NSF: variants seen among roughly 807,000 people sequenced by gnomAD.
The protein encoded by NSF is vesicle-fusing ATPase.
In NSF, 14 loss-of-function variants were observed where a neutral mutation model predicts 50.3. The observed-to-expected ratio is 0.28, with a 90% CI of 0.18 to 0.44. NSF has a LOEUF of 0.44. Among genes scored for constraint, NSF ranks in the 20% least tolerant of loss-of-function variants. The pLI, the probability that NSF is intolerant of heterozygous loss-of-function variation, is 1.00. For synonymous variants in NSF, 109 were observed against 175.7 expected (o/e 0.62, Z 3.00); for missense variants, 218 against 504.3 (o/e 0.43, Z 5.44).
intron 17 of NSF, among the ~76,000 whole-genome samples, chr17:46,738,544 A>G (rs1206682391): frequency 6.6e-6 from 1 of 152,232 alleles, no homozygotes; most frequent in Non-Finnish European, 1.5e-5. Context: ...CAGTATTTTC[A>G]TGGGTGGGAC....
intron 1 of NSF, among the ~76,000 whole-genome samples, chr17:46,606,343 A>G (rs1442504218): frequency 1.1e-4 from 1 of 8,908 alleles, no homozygotes. Context: ...AACTACTAAA[A>G]TAATATAAAT....
chr17:46,746,602 C>G, intron 17 of NSF, among the ~76,000 whole-genome samples: 1 of 152,088 alleles, frequency 6.6e-6, no homozygotes, highest in South Asian at 2.1e-4. Context: ...TATTATAAAT[C>G]TAGTGACATA....
At chr17:46,721,870 T>A (rs1163457050) in intron 15 of NSF, 2 of 1,587,206 alleles carry the variant, frequency 1.3e-6, no homozygotes, top group African/African-American at 2.7e-5. Context: ...TAGGCAGAAT[T>A]CTCCTCTGAG....
intron 4 of NSF, among the ~76,000 whole-genome samples, chr17:46,635,777 A>ATATG (rs575728163): frequency 8.6e-6 from 1 of 116,704 alleles, no homozygotes; most frequent in Non-Finnish European, 1.9e-5. Flanking sequence ...GGGAAAATAA[A>ATATG]TGTGTGTGTG....
intron 16 of NSF, among the ~76,000 whole-genome samples, chr17:46,728,104 C>T (rs1406361797): frequency 6.6e-6 from 1 of 152,006 alleles, no homozygotes; most frequent in Non-Finnish European, 1.5e-5. Flanking sequence ...GCTCTAAGCC[C>T]AGGGCAGAGG....
rs2058595044 is a variant in NSF at position 46,696,370 on chromosome 17, TC to T, written c.1374+1710del. On this transcript the variant is annotated intron_variant, in intron 12 of 20. Coordinates refer to ENST00000398238, the MANE Select transcript of NSF (RefSeq NM_006178.4). The stretch of plus-strand genomic sequence containing the variant: ...CATTAAGCTGCCCTCAGTCTAACCC[TC>T]CACGTGCAGTAACAGAAAGTACATG... 1.4e-5 allele frequency among the ~76,000 whole-genome samples: 2 copies of T among 140,806 alleles called. 1 individual carries two copies. The highest frequency in any genetic ancestry group is 5.8e-5 in the African/African-American group (2 of 34,668). 92.4% of individuals were successfully genotyped at this position (140,806 alleles called of 152,430 possible).
chr17:46,718,869 T>G (rs1407653129), intron 15 of NSF, among the ~76,000 whole-genome samples: 1 of 152,234 alleles, frequency 6.6e-6, no homozygotes, highest in Non-Finnish European at 1.5e-5. Context: ...TACATACATT[T>G]TTTATTATTT....
rs2059222259 is a variant in NSF, at chr17:46,755,350, C to G, written c.2194C>G (p.Leu732Val). ...ATACCGTGTGAGAAAATTCTTGGCC[C>G]TCTTAAGAGAAGAAGGAGCGTAAGT... is the stretch of plus-strand genomic sequence containing the variant. ...PEYRVRKFLA[L>V]LREEGASPLD... Residue 732 changes from leucine to valine, a missense_variant, in exon 20 of 21, where the codon CTC (leucine) becomes GTC (valine). Transcript: ENST00000398238. The G allele has an allele frequency of 2.5e-6, 4 of 1,613,532 alleles. No individual in the cohort carries two copies. The highest frequency in any genetic ancestry group is 3.4e-6 in the Non-Finnish European group (4 of 1,179,536).
intron 15 of NSF, chr17:46,721,637 T>C (rs1016088352): frequency 6.0e-4 from 964 of 1,593,600 alleles, no homozygotes; most frequent in Non-Finnish European, 7.4e-4. Context: ...GAGCTTCTTA[T>C]AGACACCAGA....
At chr17:46,736,702 T>C (rs1487147084) in intron 17 of NSF, among the ~76,000 whole-genome samples, 1 of 152,236 alleles carries the variant, frequency 6.6e-6, no homozygotes, top group Non-Finnish European at 1.5e-5. Context: ...TTGGTACTAA[T>C]TTGCTGCTAA....
chr17:46,755,805 C>T lies in NSF; in HGVS notation c.2217C>T (p.Ser739=), dbSNP rs773532629. The change falls in exon 21 of 21, where the codon AGC becomes AGT. Residue 739 remains serine (S), a synonymous_variant. Transcript: ENST00000398238. ...FLALLREEGA[S]PLDFD is the part of the protein sequence containing the mutation. ...TGTTTTGGTATTTCTTTTGCAGTAG[C>T]CCCCTTGATTTTGATTGAAAATGAA... The T allele has an allele frequency of 1.9e-6, 3 of 1,610,076 alleles. No homozygotes were observed. Among genetic ancestry groups the T allele is most frequent in the Admixed American group, 3.3e-5 (2 of 59,780 alleles).
Position 46,710,950 on chromosome 17 carries a change from T to G in NSF, c.1471-13T>G. The G allele has an allele frequency of 6.3e-7, 1 of 1,575,126 alleles. No homozygotes were observed. The highest frequency in any genetic ancestry group is 8.6e-7 in the Non-Finnish European group (1 of 1,168,502). ...TAAGGCTCAAAATGCTTTAGACTCC[T>G]TTTTCTTAATAGGCCTTTGGCACAA... is the stretch of plus-strand genomic sequence containing the variant. On this transcript the variant is annotated splice_polypyrimidine_tract_variant and intron_variant, in intron 13 of 20. Coordinates refer to ENST00000398238, the MANE Select transcript of NSF (RefSeq NM_006178.4).
At chr17:46,746,536 T>A (rs1415621040) in intron 17 of NSF, among the ~76,000 whole-genome samples, 1 of 152,228 alleles carries the variant, frequency 6.6e-6, no homozygotes, top group African/African-American at 2.4e-5. Context: ...TTCCAAGATC[T>A]GTGTATAGGT....
chr17:46,708,141 C>G (rs958905198), intron 13 of NSF, among the ~76,000 whole-genome samples: 1 of 152,012 alleles, frequency 6.6e-6, no homozygotes, highest in African/African-American at 2.4e-5. Context: ...TTGAGTAATG[C>G]TGTCATTAGC....
chr17:46,621,318 G>A (rs1197894484), intron 1 of NSF, among the ~76,000 whole-genome samples: 4 of 138,982 alleles, frequency 2.9e-5, no homozygotes, highest in East Asian at 4.1e-4. Flanking sequence ...ATAGGGTCTC[G>A]CTCTGTTGCC....
Position 46,755,902 on chromosome 17 carries a change from C to G in NSF, c.*79C>G. 3.5e-6 allele frequency: 5 copies of G among 1,412,130 alleles called. No individual in the cohort carries two copies. The highest frequency in any genetic ancestry group is 4.0e-6 in the Non-Finnish European group (4 of 1,010,108). 87.5% of individuals were successfully genotyped at this position (1,412,130 alleles called of 1,614,324 possible). A position where few individuals can be genotyped will look rare whatever the true frequency, so the allele number is the denominator to read the frequency against. On this transcript the variant is annotated 3_prime_UTR_variant, in exon 21 of 21. Coordinates refer to ENST00000398238, the MANE Select transcript of NSF (RefSeq NM_006178.4). ...GGCCTAGGATCTTCACTGTCTTACT[C>G]AAGATACTGGACTAAGTGGAACGTT...
intron 15 of NSF, among the ~76,000 whole-genome samples, chr17:46,723,032 T>TC (rs1485169693): frequency 1.3e-5 from 2 of 152,186 alleles, no homozygotes; most frequent in African/African-American, 2.4e-5. Context: ...GGCCATGCAG[T>TC]CAACTGTGAA....
At chr17:46,615,810 A>G (rs1894297089) in intron 1 of NSF, among the ~76,000 whole-genome samples, 1 of 28,128 alleles carries the variant, frequency 3.6e-5, no homozygotes, top group Admixed American at 3.5e-4. Flanking sequence ...TTTGATCCTT[A>G]TATGATATGA....
intron 16 of NSF, 143 bp from the exon 17 acceptor site, chr17:46,728,712 A>T (rs1251196315): frequency 3.7e-5 from 16 of 431,950 alleles, no homozygotes; most frequent in South Asian, 1.2e-4. Flanking sequence ...TACTCTTTAA[A>T]TTTTTTTTTT....
Sources: gnomAD v4.1 joint callset for allele counts (sites outside exome capture counted in the v4.1 genomes callset) on GRCh38, gnomAD v4.1.1 for gene constraint, MANE v1.5 for transcripts, NCBI Gene and HGNC (gene_info 2026-07-23, HGNC 2026-07-21) for gene names.